RBM20: variants seen among roughly 807,000 people sequenced by gnomAD.
RBM20 encodes RNA-binding protein 20.
Under a neutral mutation model 110.1 loss-of-function variants are expected in RBM20, and 51 were observed. The ratio of observed to expected loss-of-function variants is 0.46; its 90% CI spans 0.37 to 0.59. The LOEUF is 0.59. Ranked by LOEUF, RBM20 falls within the 20% of genes least tolerant of loss-of-function variation. The pLI is 0.00. For missense variants in RBM20, 1,512 were observed against 1,574.9 expected, an observed-to-expected ratio of 0.96 and a Z score of 0.68; for synonymous variants, 589 against 618.2, an observed-to-expected ratio of 0.95 and a Z score of 0.70.
At chr10:110,802,277 TA>T (rs1214117535) in intron 7 of RBM20, among the ~76,000 whole-genome samples, 2 of 152,184 alleles carry the variant, frequency 1.3e-5, no homozygotes, top group Admixed American at 1.3e-4. Context: ...TCTCCATATG[TA>T]GATGGGCACT....
At chr10:110,832,971 A>C (rs1346384743) in intron 13 of RBM20, among the ~76,000 whole-genome samples, 1 of 152,230 alleles carries the variant, frequency 6.6e-6, no homozygotes, top group Non-Finnish European at 1.5e-5. Flanking sequence ...GCTTGAAGAC[A>C]TAATCAATCC....
chr10:110,783,659 CA>C (rs1844382869), intron 3 of RBM20, among the ~76,000 whole-genome samples: 1 of 152,214 alleles, frequency 6.6e-6, no homozygotes, highest in Admixed American at 6.5e-5. Context: ...AAACACCAGG[CA>C]GAGGCCGGAA....
chr10:110,711,732 T>C (rs1862932701), intron 1 of RBM20, among the ~76,000 whole-genome samples: 1 of 152,210 alleles, frequency 6.6e-6, no homozygotes, highest in Non-Finnish European at 1.5e-5. Flanking sequence ...CCAGAAGAAT[T>C]ATTGATTTAT....
At chr10:110,796,100 A>C (rs1178532789) in intron 5 of RBM20, among the ~76,000 whole-genome samples, 1 of 152,222 alleles carries the variant, frequency 6.6e-6, no homozygotes, top group African/African-American at 2.4e-5. Flanking sequence ...GATTCCCACA[A>C]ACTTTCTATG....
intron 1 of RBM20, among the ~76,000 whole-genome samples, chr10:110,780,042 C>T (rs1283435492): frequency 1.3e-5 from 2 of 151,916 alleles, no homozygotes; most frequent in Admixed American, 1.3e-4. Context: ...TAATGTTTAC[C>T]ATTGGCAATC....
intron 1 of RBM20, among the ~76,000 whole-genome samples, chr10:110,699,572 G>A (rs891269275): frequency 2.6e-5 from 4 of 151,554 alleles, no homozygotes; most frequent in Admixed American, 6.6e-5. Flanking sequence ...GCACACAGCC[G>A]TTTAAAAAAA....
chr10:110,643,673 G>A (rs759417933), upstream of RBM20, among the ~76,000 whole-genome samples: 10 of 152,214 alleles, frequency 6.6e-5, no homozygotes, highest in Non-Finnish European at 1.5e-4. Context: ...ACCCACGGTG[G>A]CCCCACCGGC....
chr10:110,672,306 C>T (rs748856226), intron 1 of RBM20, among the ~76,000 whole-genome samples: 1 of 152,184 alleles, frequency 6.6e-6, no homozygotes, highest in Admixed American at 6.5e-5. Context: ...CTCGGCTTTC[C>T]CCTTCTTAAT....
intron 1 of RBM20, among the ~76,000 whole-genome samples, chr10:110,762,808 G>GGTT (rs2135004867): frequency 6.6e-6 from 1 of 152,338 alleles, no homozygotes; most frequent in South Asian, 2.1e-4. Context: ...GATGTGTGTG[G>GGTT]TGGGGCGCTT....
intron 1 of RBM20, among the ~76,000 whole-genome samples, chr10:110,663,287 C>A (rs1862131867): frequency 6.6e-6 from 1 of 152,108 alleles, no homozygotes; most frequent in Non-Finnish European, 1.5e-5. Flanking sequence ...GAGAAGATAG[C>A]CAGTTGTATA....
Position 110,799,853 on chromosome 10 carries a change from G to T in RBM20, c.1735G>T (p.Ala579Ser). ...GGTCCAGTATTATCAAGAAAAATCT[G>T]CTGTGATCAATGGTGAGAAGTTGCT... ...AMVQYYQEKS[A>S]VINGEKLLIR... Residue 579 changes from alanine to serine, a missense_variant, in exon 7 of 14, where the codon GCT (alanine) becomes TCT (serine). This residue lies in a region of RBM20 where 1,149 missense variants were observed against 1,169.4 expected (regional missense o/e 0.98). Transcript: ENST00000369519. 6.4e-7 allele frequency: 1 copy of T among 1,552,008 alleles called. No individual in the cohort carries two copies. The highest frequency in any genetic ancestry group is 8.7e-7 in the Non-Finnish European group (1 of 1,146,974).
chr10:110,687,876 G>A (rs1862527330), intron 1 of RBM20, among the ~76,000 whole-genome samples: 1 of 152,118 alleles, frequency 6.6e-6, no homozygotes, highest in Admixed American at 6.5e-5. Flanking sequence ...AATTTTAAGT[G>A]CATAGCTCAT....
In RBM20 at chr10:110,821,260, T is replaced by C. The variant is rs1222997158; in HGVS notation, c.2656-15T>C. ...CTCAACCACCCTCTGACCTCCATTC[T>C]GCATTTTTGTACAGGAACAAGATTG... On this transcript the variant is annotated splice_polypyrimidine_tract_variant and intron_variant, in intron 10 of 13. Coordinates refer to ENST00000369519, the MANE Select transcript of RBM20 (RefSeq NM_001134363.3). 6.5e-7 allele frequency: 1 copy of C among 1,546,930 alleles called. No individual in the cohort carries two copies. Among genetic ancestry groups the C allele is most frequent in the African/African-American group, 1.4e-5 (1 of 72,908 alleles).
At chr10:110,646,010 G>T (rs1861861972) in intron 1 of RBM20, among the ~76,000 whole-genome samples, 1 of 152,066 alleles carries the variant, frequency 6.6e-6, no homozygotes, top group Admixed American at 6.6e-5. Context: ...TAATATAAAT[G>T]TAAAGCAACA....
chr10:110,836,199 A>T lies in RBM20; in HGVS notation c.*221A>T. 1 of 358,354 alleles carries T rather than the reference A, an allele frequency of 2.8e-6. No individual in the cohort carries two copies. Among genetic ancestry groups the T allele is most frequent in the Non-Finnish European group, 5.0e-6 (1 of 201,074 alleles). 22.2% of individuals were successfully genotyped at this position (358,354 alleles called of 1,614,324 possible). The stretch of plus-strand genomic sequence containing the variant: ...GTGTCCAGCCCACTGAGGGTCACCA[A>T]CTCTCTCCCTGCTGACTCTTGTTTC... On this transcript the variant is annotated 3_prime_UTR_variant, in exon 14 of 14. Transcript: ENST00000369519.
intron 1 of RBM20, among the ~76,000 whole-genome samples, chr10:110,668,476 A>G (rs1435417405): frequency 6.6e-6 from 1 of 152,186 alleles, no homozygotes; most frequent in Non-Finnish European, 1.5e-5. Context: ...GGGGGCTCCA[A>G]TTTAGAAGCA....
chr10:110,780,734 C>G, intron 1 of RBM20, 67 bp from the exon 2 acceptor site: 1 of 1,440,950 alleles, frequency 6.9e-7, no homozygotes, highest in Non-Finnish European at 9.1e-7. Flanking sequence ...CCACAGATAA[C>G]AAAGAACAGC....
chr10:110,770,302 A>T (rs1280799054), intron 1 of RBM20, among the ~76,000 whole-genome samples: 4 of 152,170 alleles, frequency 2.6e-5, no homozygotes, highest in Admixed American at 2.6e-4. Context: ...CAGTCCTCAG[A>T]TCTGTCTCTG....
At chr10:110,814,867 C>T (rs946902501) in intron 9 of RBM20, among the ~76,000 whole-genome samples, 6 of 152,210 alleles carry the variant, frequency 3.9e-5, no homozygotes, top group African/African-American at 9.7e-5. Flanking sequence ...TGGAGATAAT[C>T]GGCATGGCTG....
Sources: gnomAD v4.1 joint callset for allele counts (sites outside exome capture counted in the v4.1 genomes callset) on GRCh38, gnomAD v4.1.1 for gene constraint, gnomAD v4.1.1 regional missense constraint, MANE v1.5 for transcripts, NCBI Gene and HGNC (gene_info 2026-07-23, HGNC 2026-07-21) for gene names.